The following CFAP92 variants were observed in gnomAD, a reference collection of about 807,000 sequenced individuals.
CFAP92 encodes cilia and flagella associated protein 92 (putative).
CFAP92 carries 86 observed loss-of-function variants against 106.3 expected under a neutral mutation model. The observed-to-expected ratio is 0.81, with a 90% CI of 0.68 to 0.97. CFAP92 has a LOEUF of 0.97. Among genes scored for constraint, CFAP92 ranks in the 50% least tolerant of loss-of-function variants. The pLI, the probability that CFAP92 is intolerant of heterozygous loss-of-function variation, is 0.00. For missense variants in CFAP92, 1,204 were observed against 1,283.8 expected (o/e 0.94, Z 0.95); for synonymous variants, 477 against 506.4 (o/e 0.94, Z 0.78).
At chr3:129,003,577 G>A (rs1283004599), upstream of CFAP92, among the ~76,000 whole-genome samples, 9 of 152,022 alleles carry the variant, frequency 5.9e-5, no homozygotes, top group African/African-American at 2.2e-4. Flanking sequence ...GGGGGATGAG[G>A]AGGAATCAGA....
chr3:129,001,209 C>T (rs1335287947), intron 1 of CFAP92, among the ~76,000 whole-genome samples: 4 of 152,250 alleles, frequency 2.6e-5, no homozygotes, highest in Admixed American at 2.6e-4. Flanking sequence ...GCCAACCCCT[C>T]GCCCAGGTCT....
intron 8 of CFAP92, chr3:128,970,847 GAAGT>G (rs1313625158): frequency 2.3e-5 from 4 of 171,300 alleles, no homozygotes; most frequent in Non-Finnish European, 5.0e-5. Flanking sequence ...TTTGGTCTGA[GAAGT>G]AAGTGATGTG....
At chr3:128,932,120 G>T (rs1323000086) in intron 12 of CFAP92, among the ~76,000 whole-genome samples, 1 of 152,168 alleles carries the variant, frequency 6.6e-6, no homozygotes, top group Non-Finnish European at 1.5e-5. Flanking sequence ...AGAATTGCAG[G>T]GATGGTAGGG....
rs141647117 is a variant in CFAP92, at chr3:128,910,140, C to T, written c.*159G>A. On this transcript the variant is annotated 3_prime_UTR_variant, in exon 16 of 16. Coordinates refer to ENST00000645291, the MANE Select transcript of CFAP92 (RefSeq NM_001394090.1). ...CCATCCGCATTGGGCTCCGCAACCA[C>T]GACCACGAGGTGAGCCCAGCCCAGC... 1,484 of 1,614,066 alleles carry T rather than the reference C, an allele frequency of 9.2e-4. 13 individuals carry two copies. In the African/African-American group the frequency reaches 0.017, roughly 18 times the overall value.
At position 128,915,110 on chromosome 3, in the gene CFAP92, G is replaced by A; in HGVS notation, c.3280+9C>T. ...AGGAGGCCCAGCTTGGCAAACCCTTGCCTGTTACCTGTTACAGGCTTTGGT... is the reference window on the plus strand; with the variant it reads ...AGGAGGCCCAGCTTGGCAAACCCTTACCTGTTACCTGTTACAGGCTTTGGT... On this transcript the variant is annotated intron_variant, in intron 15 of 15. Coordinates refer to ENST00000645291, the MANE Select transcript of CFAP92 (RefSeq NM_001394090.1). The A allele has an allele frequency of 6.5e-7, 1 of 1,535,172 alleles. No homozygotes were observed. Among genetic ancestry groups the A allele is most frequent in the Admixed American group, 2.0e-5 (1 of 50,988 alleles).
intron 9 of CFAP92, among the ~76,000 whole-genome samples, chr3:128,948,670 C>T (rs569073988): frequency 2.0e-5 from 3 of 151,908 alleles, no homozygotes; most frequent in African/African-American, 7.2e-5. Context: ...GCTGGGATTA[C>T]AGGCACGCGC....
intron 15 of CFAP92, chr3:128,910,942 GGGCCTGGGTA>G (rs1474113388): frequency 3.4e-6 from 4 of 1,178,344 alleles, no homozygotes; most frequent in African/African-American, 3.0e-5. Flanking sequence ...CCTTGAGCGA[GGGCCTGGGTA>G]GGCCTGGGCT....
chr3:128,924,423 C>T (rs1428013357), intron 12 of CFAP92, among the ~76,000 whole-genome samples: 2 of 136,524 alleles, frequency 1.5e-5, no homozygotes, highest in Admixed American at 7.8e-5. Context: ...GCTCATAGAA[C>T]GATTGTATCT....
In CFAP92 at chr3:128,987,683, T is replaced by G; in HGVS notation, c.600A>C (p.Arg200Ser). 6.2e-7 allele frequency: 1 copy of G among 1,614,076 alleles called. No homozygotes were observed. The highest frequency in any genetic ancestry group is 2.2e-5 in the East Asian group (1 of 44,892). Residue 200 changes from arginine to serine, a missense_variant, in exon 4 of 16, where the codon AGA (arginine) becomes AGC (serine). By Grantham distance (110) the Arg-to-Ser change is moderately radical (BLOSUM62 -1). Coordinates refer to ENST00000645291, the MANE Select transcript of CFAP92 (RefSeq NM_001394090.1). ...RLWNTKDKMS[R>S]KVRYYRLKTA... is the part of the protein sequence containing the mutation. ...TCTTTAATCGGTAATATCTGACTTT[T>G]CTTGACATCTTGTCTTTAGTGTTCC...
At chr3:128,998,351 T>A (rs1400106338), upstream of CFAP92, among the ~76,000 whole-genome samples, 1 of 152,226 alleles carries the variant, frequency 6.6e-6, no homozygotes, top group Non-Finnish European at 1.5e-5. Context: ...TTTGGTGTCG[T>A]ATCTAAGAAA....
the CFAP92 span, among the ~76,000 whole-genome samples, chr3:129,012,704 G>C: frequency 6.6e-6 from 1 of 152,172 alleles, no homozygotes; most frequent in Non-Finnish European, 1.5e-5. Flanking sequence ...CCATAGAAGT[G>C]GGACAACTCC....
chr3:128,946,896 A>T (rs781417048), intron 9 of CFAP92, among the ~76,000 whole-genome samples: 6 of 152,252 alleles, frequency 3.9e-5, no homozygotes, highest in Non-Finnish European at 8.8e-5. Context: ...GTTTAAGAAA[A>T]GAAAGAATAT....
At chr3:129,003,613 G>T (rs1944907241), upstream of CFAP92, among the ~76,000 whole-genome samples, 2 of 152,208 alleles carry the variant, frequency 1.3e-5, no homozygotes, top group South Asian at 2.1e-4. Context: ...GGGATGTGGC[G>T]AGGGTTAAAG....
intron 8 of CFAP92, among the ~76,000 whole-genome samples, chr3:128,966,435 C>T (rs541057375): frequency 1.3e-5 from 2 of 152,338 alleles, no homozygotes; most frequent in African/African-American, 4.8e-5. Flanking sequence ...ACAACTGGCA[C>T]ATCTGAGCCA....
upstream of CFAP92, among the ~76,000 whole-genome samples, chr3:129,005,232 A>T (rs9856663): frequency 0.035 from 5,406 of 152,338 alleles, 296 homozygotes; most frequent in African/African-American, 0.12. Flanking sequence ...GGCAGCAGGC[A>T]GGAGGTGGGG....
In CFAP92 at chr3:128,988,885, T is replaced by C. The variant is rs1273725089; in HGVS notation, c.296A>G (p.Lys99Arg). Residue 99 changes from lysine (K) to arginine (R), a missense_variant, in exon 3 of 16, where the codon AAA becomes AGA. By Grantham distance (26) the Lys-to-Arg change is conservative. Transcript: ENST00000645291. ...GTCTGTTTTAGGGTGTTTCTTATAT[T>C]TTTCAATCAAACTTGCATATTTTCC... ...QKGKYASLIE[K>R]YKKHPKTDSS... The C allele has an allele frequency of 6.2e-7, 1 of 1,613,640 alleles. No individual in the cohort carries two copies. Among genetic ancestry groups the C allele is most frequent in the Middle Eastern group, 1.7e-4 (1 of 6,060 alleles).
chr3:129,021,465 T>A, the CFAP92 span, among the ~76,000 whole-genome samples: 1 of 152,132 alleles, frequency 6.6e-6, no homozygotes, highest in Non-Finnish European at 1.5e-5. Context: ...TCCCAGCTAC[T>A]GGGGAGGCTC....
At chr3:128,933,786 C>T (rs1469858688) in intron 11 of CFAP92, among the ~76,000 whole-genome samples, 1 of 152,218 alleles carries the variant, frequency 6.6e-6, no homozygotes, top group Non-Finnish European at 1.5e-5. Flanking sequence ...CCGGGTCTGG[C>T]CTCCTTCCAA....
At chr3:128,944,981 TA>T in intron 10 of CFAP92, 89 bp downstream of exon 10, 1 of 1,171,172 alleles carries the variant, frequency 8.5e-7, no homozygotes, top group Non-Finnish European at 1.2e-6. Context: ...ACAAGGATGC[TA>T]AACCTAGGCT....
Sources: allele counts gnomAD v4.1 joint callset (sites outside exome capture counted in the v4.1 genomes callset), GRCh38; gene constraint gnomAD v4.1.1; transcripts MANE v1.5; gene names NCBI Gene and HGNC (gene_info 2026-07-23, HGNC 2026-07-21).